Variants in KCNK13 observed in about 807,000 individuals in gnomAD.
The protein encoded by KCNK13 is potassium two pore domain channel subfamily K member 13.
In KCNK13, 12 loss-of-function variants were observed where a neutral mutation model predicts 23.4. The ratio of observed to expected loss-of-function variants is 0.51; its 90% confidence interval spans 0.33 to 0.83. KCNK13 has a LOEUF of 0.83. Ranked by LOEUF, KCNK13 falls within the 40% of genes least tolerant of loss-of-function variation. The pLI is 0.02. For missense variants in KCNK13, 463 were observed against 556.3 expected (o/e 0.83, Z 1.69); for synonymous variants, 231 against 229.5 (o/e 1.01, Z -0.06).
intron 1 of KCNK13, among the ~76,000 whole-genome samples, chr14:90,125,684 A>C (rs1196821045): frequency 6.6e-6 from 1 of 151,806 alleles, no homozygotes; most frequent in South Asian, 2.1e-4. Flanking sequence ...AATTGAAAGC[A>C]CTCTCAGTGG....
Position 90,101,790 on chromosome 14 carries a change from C to CAAAAAAAAAA in KCNK13, c.334+39264_334+39273dup, listed in dbSNP as rs546423368. ...GGGCAACAGAGTGAGACTCCGTCTC[C>CAAAAAAAAAA]AAAAAAAAAAAAAAAAAAAAAACCT... On this transcript the variant is annotated intron_variant, in intron 1 of 1. Transcript: ENST00000282146. Among the ~76,000 whole-genome samples the CAAAAAAAAAA allele has an allele frequency of 2.5e-3, 138 of 55,566 alleles. 6 individuals carry two copies. The highest frequency in any genetic ancestry group is 4.8e-3 in the African/African-American group (72 of 15,140). The allele number at this position is 55,566 out of a possible 152,430, so 36.5% of individuals were successfully genotyped here.
At chr14:90,142,947 A>T (rs1326565779) in intron 1 of KCNK13, among the ~76,000 whole-genome samples, 1 of 152,192 alleles carries the variant, frequency 6.6e-6, no homozygotes, top group East Asian at 1.9e-4. Context: ...GGGAAGGTAA[A>T]TGTATGGGGG....
intron 1 of KCNK13, among the ~76,000 whole-genome samples, chr14:90,151,028 A>G (rs1890129039): frequency 6.6e-6 from 1 of 152,084 alleles, no homozygotes; most frequent in Admixed American, 6.6e-5. Flanking sequence ...CCTCCTGTTC[A>G]CACTTTATGA....
intron 1 of KCNK13, among the ~76,000 whole-genome samples, chr14:90,172,676 A>G (rs915877462): frequency 2.0e-5 from 3 of 152,152 alleles, no homozygotes; most frequent in Non-Finnish European, 2.9e-5. Flanking sequence ...ACACTTCAGC[A>G]TAGAGTGTTA....
At chr14:90,146,547 C>T (rs965597847) in intron 1 of KCNK13, among the ~76,000 whole-genome samples, 1 of 152,046 alleles carries the variant, frequency 6.6e-6, no homozygotes, top group African/African-American at 2.4e-5. Flanking sequence ...AACTCCTGAC[C>T]CCAGGTGATC....
chr14:90,091,928 C>CTTTT (rs753251792), intron 1 of KCNK13, among the ~76,000 whole-genome samples: 3 of 135,722 alleles, frequency 2.2e-5, no homozygotes, highest in Non-Finnish European at 3.2e-5. Flanking sequence ...AAGAGAACTC[C>CTTTT]TTTTTTTTTT....
intron 1 of KCNK13, among the ~76,000 whole-genome samples, chr14:90,089,249 C>G (rs1001868376): frequency 2.6e-5 from 4 of 152,112 alleles, no homozygotes; most frequent in African/African-American, 9.7e-5. Context: ...GTGATATGAA[C>G]GATAAGGTTC....
intron 1 of KCNK13, among the ~76,000 whole-genome samples, chr14:90,125,833 G>A (rs1373872094): frequency 1.3e-5 from 2 of 152,012 alleles, no homozygotes; most frequent in East Asian, 3.9e-4. Flanking sequence ...AACCATCCTA[G>A]GCAACATGGT....
chr14:90,103,695 T>G (rs1454997355), intron 1 of KCNK13, among the ~76,000 whole-genome samples: 2 of 152,122 alleles, frequency 1.3e-5, no homozygotes, highest in Non-Finnish European at 1.5e-5. Flanking sequence ...CCCGAGTAGC[T>G]GGGATTATAG....
chr14:90,068,431 C>CA lies in KCNK13; in HGVS notation c.334+5900dup, dbSNP rs1014529958. Among the ~76,000 whole-genome samples, 35 of 151,472 alleles carry CA rather than the reference C, an allele frequency of 2.3e-4. 1 individual carries two copies. The highest frequency in any genetic ancestry group is 1.2e-4 in the Non-Finnish European group (8 of 67,870). On this transcript the variant is annotated intron_variant, in intron 1 of 1. Coordinates refer to ENST00000282146, the MANE Select transcript of KCNK13 (RefSeq NM_022054.4). The stretch of plus-strand genomic sequence containing the variant: ...CCAACATGGCGAAACCCCATCTCTA[C>CA]AAAAAAAATAGAAAAAATTAGCCAG...
intron 1 of KCNK13, among the ~76,000 whole-genome samples, chr14:90,073,439 T>C (rs1889099890): frequency 6.6e-6 from 1 of 152,192 alleles, no homozygotes; most frequent in South Asian, 2.1e-4. Flanking sequence ...TGATCCCAGA[T>C]GTCACTTCCT....
chr14:90,146,600 G>A (rs1377780978), intron 1 of KCNK13, among the ~76,000 whole-genome samples: 1 of 152,146 alleles, frequency 6.6e-6, no homozygotes, highest in Non-Finnish European at 1.5e-5. Flanking sequence ...ACAGGCATGA[G>A]CCACCTTGCC....
At chr14:90,153,067 C>A (rs1041158244) in intron 1 of KCNK13, among the ~76,000 whole-genome samples, 3 of 152,258 alleles carry the variant, frequency 2.0e-5, no homozygotes, top group Admixed American at 2.0e-4. Context: ...GTTCCCTGAG[C>A]CTGCATTGTT....
At chr14:90,101,019 A>G (rs1179844936) in intron 1 of KCNK13, among the ~76,000 whole-genome samples, 1 of 152,130 alleles carries the variant, frequency 6.6e-6, no homozygotes, top group African/African-American at 2.4e-5. Flanking sequence ...AGTCAAGCAG[A>G]TGCTTCCACG....
chr14:90,108,497 C>A (rs909317913), intron 1 of KCNK13, among the ~76,000 whole-genome samples: 4 of 152,170 alleles, frequency 2.6e-5, no homozygotes, highest in African/African-American at 9.7e-5. Flanking sequence ...CTGCATCTCT[C>A]CGGAGACACA....
chr14:90,068,916 A>T (rs557215425), intron 1 of KCNK13, among the ~76,000 whole-genome samples: 4 of 151,180 alleles, frequency 2.6e-5, no homozygotes, highest in Non-Finnish European at 5.9e-5. Context: ...AGATGCAGGG[A>T]TGTGCCGGGC....
At chr14:90,117,160 A>T (rs1202340412) in intron 1 of KCNK13, among the ~76,000 whole-genome samples, 1 of 152,232 alleles carries the variant, frequency 6.6e-6, no homozygotes, top group Non-Finnish European at 1.5e-5. Flanking sequence ...AGTGGATCTG[A>T]TAGCCTAGAT....
intron 1 of KCNK13, among the ~76,000 whole-genome samples, chr14:90,160,866 G>T (rs528527509): frequency 6.7e-6 from 1 of 149,712 alleles, no homozygotes; most frequent in East Asian, 1.9e-4. Context: ...AAAAGAAAAA[G>T]AAAGAAAGAA....
At chr14:90,113,719 G>A (rs1415872905) in intron 1 of KCNK13, among the ~76,000 whole-genome samples, 6 of 152,138 alleles carry the variant, frequency 3.9e-5, no homozygotes, top group Non-Finnish European at 7.3e-5. Context: ...GATCATCTGA[G>A]GTCAGGCATT....
Sources: allele counts gnomAD v4.1 joint callset (sites outside exome capture counted in the v4.1 genomes callset), GRCh38; gene constraint gnomAD v4.1.1; transcripts MANE v1.5; gene names NCBI Gene and HGNC (gene_info 2026-07-23, HGNC 2026-07-21).